The following PLXNA4 variants were observed in gnomAD, a reference collection of about 807,000 sequenced individuals.
PLXNA4 encodes plexin-A4.
In PLXNA4, 44 loss-of-function variants were observed where a neutral mutation model predicts 191.8. The ratio of observed to expected loss-of-function variants is 0.23; its 90% CI spans 0.18 to 0.29. The LOEUF is 0.29. PLXNA4 is among the 10% of genes least tolerant of loss of function. The pLI is 1.00. For missense variants in PLXNA4, 1,800 were observed against 2,488.8 expected, an observed-to-expected ratio of 0.72 and a Z score of 5.89; for synonymous variants, 1,082 against 1,009.5, an observed-to-expected ratio of 1.07 and a Z score of -1.36.
chr7:132,429,657 G>T (rs1417550176), intron 3 of PLXNA4, among the ~76,000 whole-genome samples: 1 of 152,076 alleles, frequency 6.6e-6, no homozygotes, highest in Non-Finnish European at 1.5e-5. Context: ...AAAACAAGTG[G>T]CAAACAAGAT....
chr7:132,548,272 G>A (rs1800395014), intron 1 of PLXNA4, among the ~76,000 whole-genome samples: 1 of 152,184 alleles, frequency 6.6e-6, no homozygotes. Flanking sequence ...AAATCAATGA[G>A]TAGAGTTTAA....
intron 3 of PLXNA4, among the ~76,000 whole-genome samples, chr7:132,302,711 C>A (rs1584964639): frequency 6.6e-6 from 1 of 151,392 alleles, no homozygotes; most frequent in Non-Finnish European, 1.5e-5. Context: ...AATCCAGATG[C>A]CTGCAACTCA....
At position 132,574,567 on chromosome 7, in the gene PLXNA4, T is replaced by C. The variant is rs558240544; in HGVS notation, c.-87+1855A>G. Among the ~76,000 whole-genome samples the C allele has an allele frequency of 4.0e-4, 61 of 152,358 alleles. 1 individual carries two copies. The highest frequency in any genetic ancestry group is 1.8e-4 in the Non-Finnish European group (12 of 68,036). Reference sequence around the variant, plus strand: ...CATGTGTGTATATATATTGGGTGTGTGTGTGCACACGCCCACCATTCTTAA... The same window carrying C: ...CATGTGTGTATATATATTGGGTGTGCGTGTGCACACGCCCACCATTCTTAA... On this transcript the variant is annotated intron_variant, in intron 1 of 31. Coordinates refer to ENST00000321063, the MANE Select transcript of PLXNA4 (RefSeq NM_020911.2).
At chr7:132,418,735 C>T (rs187779063) in intron 3 of PLXNA4, among the ~76,000 whole-genome samples, 22 of 152,170 alleles carry the variant, frequency 1.4e-4, no homozygotes, top group African/African-American at 4.6e-4. Flanking sequence ...CTGGCAGTGA[C>T]GAGCAGAAGG....
intron 1 of PLXNA4, among the ~76,000 whole-genome samples, chr7:132,562,192 TC>T (rs1801196057): frequency 8.2e-6 from 1 of 121,298 alleles, no homozygotes. Flanking sequence ...CTCCTCCTTC[TC>T]CTCCTCCTCC....
At chr7:132,580,447 T>A (rs1032445416), upstream of PLXNA4, among the ~76,000 whole-genome samples, 3 of 152,126 alleles carry the variant, frequency 2.0e-5, no homozygotes, top group African/African-American at 7.2e-5. Context: ...TCCCTCTACC[T>A]CTTGCCTGGT....
At chr7:132,391,507 C>G (rs1805410156) in intron 3 of PLXNA4, among the ~76,000 whole-genome samples, 1 of 152,180 alleles carries the variant, frequency 6.6e-6, no homozygotes, top group Non-Finnish European at 1.5e-5. Flanking sequence ...CCCTTACAAC[C>G]CTTTAGCCTG....
intron 3 of PLXNA4, among the ~76,000 whole-genome samples, chr7:132,425,850 C>T (rs1363529039): frequency 1.3e-5 from 2 of 152,214 alleles, no homozygotes; most frequent in Non-Finnish European, 2.9e-5. Flanking sequence ...CTGGCCTGCT[C>T]TTGAACATGG....
chr7:132,524,594 G>C (rs1563151350), intron 1 of PLXNA4, among the ~76,000 whole-genome samples: 1 of 152,062 alleles, frequency 6.6e-6, no homozygotes, highest in Non-Finnish European at 1.5e-5. Flanking sequence ...TGTTGTTGTT[G>C]AGATGGAGTC....
intron 2 of PLXNA4, among the ~76,000 whole-genome samples, chr7:132,491,745 A>G (rs1797813230): frequency 6.6e-6 from 1 of 152,224 alleles, no homozygotes; most frequent in African/African-American, 2.4e-5. Context: ...CACTGTCTCT[A>G]CTAAAAAAAC....
intron 3 of PLXNA4, among the ~76,000 whole-genome samples, chr7:132,380,035 G>T (rs1804823981): frequency 6.6e-6 from 1 of 152,272 alleles, no homozygotes. Context: ...CAGAGGCAGG[G>T]CTCACCACAT....
intron 3 of PLXNA4, among the ~76,000 whole-genome samples, chr7:132,393,000 C>T (rs13238185): frequency 2.0e-5 from 3 of 152,152 alleles, no homozygotes; most frequent in Non-Finnish European, 2.9e-5. Flanking sequence ...TCTGCAGCCA[C>T]GCCTTACCCC....
In PLXNA4 at chr7:132,182,157, G is replaced by A. The variant is rs1463745023; in HGVS notation, c.3192C>T (p.His1064=). 1 of 1,614,064 alleles carries A rather than the reference G, an allele frequency of 6.2e-7. No individual in the cohort carries two copies. The highest frequency in any genetic ancestry group is 1.3e-5 in the African/African-American group (1 of 74,928). ...TCTGGGGGTTCTGTATGAGGTCCAGGTGGGTCCCCCATACGGCGATGGGTG... is the reference window on the plus strand; with the variant it reads ...TCTGGGGGTTCTGTATGAGGTCCAGATGGGTCCCCCATACGGCGATGGGTG... ...GNTPIAVWGT[H]LDLIQNPQIR... Residue 1064 remains histidine (H), a synonymous_variant, in exon 17 of 32, where the codon CAC becomes CAT. Transcript: ENST00000321063.
intron 1 of PLXNA4, among the ~76,000 whole-genome samples, chr7:132,648,185 ACT>A (rs1803921506): frequency 6.6e-6 from 1 of 152,102 alleles, no homozygotes; most frequent in Non-Finnish European, 1.5e-5. Context: ...ACTCATGTAC[ACT>A]GTGTCACACA....
chr7:132,542,299 C>G (rs547322684), intron 1 of PLXNA4, among the ~76,000 whole-genome samples: 1 of 152,222 alleles, frequency 6.6e-6, no homozygotes, highest in East Asian at 1.9e-4. Flanking sequence ...GAGGTAAAGA[C>G]AGGAGGATTA....
intron 4 of PLXNA4, among the ~76,000 whole-genome samples, chr7:132,288,181 C>T (rs1800754456): frequency 6.6e-6 from 1 of 152,202 alleles, no homozygotes; most frequent in African/African-American, 2.4e-5. Context: ...CTCCTCTGTG[C>T]TTCAGTTTCC....
chr7:132,180,054 C>G, intron 19 of PLXNA4, 133 bp from the exon 20 acceptor site: 1 of 1,417,906 alleles, frequency 7.1e-7, no homozygotes, highest in African/African-American at 1.4e-5. Flanking sequence ...TCAAAATAGA[C>G]AAGAGGGCAT....
At chr7:132,225,796 CTG>C (rs1230312256) in intron 8 of PLXNA4, among the ~76,000 whole-genome samples, 2 of 152,206 alleles carry the variant, frequency 1.3e-5, no homozygotes, top group Non-Finnish European at 2.9e-5. Flanking sequence ...AGCTTGCTCT[CTG>C]TTCTTCATGT....
At chr7:132,463,576 G>A (rs1043452370) in intron 3 of PLXNA4, among the ~76,000 whole-genome samples, 1 of 152,204 alleles carries the variant, frequency 6.6e-6, no homozygotes. Context: ...TTAGAAACCA[G>A]CCCGTTTGTT....
Sources: allele counts gnomAD v4.1 joint callset (sites outside exome capture counted in the v4.1 genomes callset), GRCh38; gene constraint gnomAD v4.1.1; transcripts MANE v1.5; gene names NCBI Gene and HGNC (gene_info 2026-07-23, HGNC 2026-07-21).